Variants in ZNF804A observed in about 807,000 individuals in gnomAD.
ZNF804A encodes zinc finger protein 804A.
Under a neutral mutation model 16.5 loss-of-function variants are expected in ZNF804A, and 2 were observed. The ratio of observed to expected loss-of-function variants is 0.12; its 90% CI spans 0.05 to 0.38. The LOEUF is 0.38. Among genes scored for constraint, ZNF804A ranks in the 10% least tolerant of loss-of-function variants. ZNF804A has a pLI of 0.99. For synonymous variants in ZNF804A, 534 were observed against 489.6 expected (o/e 1.09, Z -1.20); for missense variants, 1,473 against 1,390.7 (o/e 1.06, Z -0.94).
At chr2:184,727,800 G>C (rs572368950) in intron 1 of ZNF804A, among the ~76,000 whole-genome samples, 5 of 151,774 alleles carry the variant, frequency 3.3e-5, no homozygotes, top group South Asian at 4.1e-4. Context: ...AGTATAAGAA[G>C]TGATCAGTTT....
intron 1 of ZNF804A, among the ~76,000 whole-genome samples, chr2:184,860,462 G>C (rs1420685109): frequency 6.6e-6 from 1 of 152,232 alleles, no homozygotes; most frequent in South Asian, 2.1e-4. Context: ...AACTTGCCTG[G>C]AGGCTGAGTT....
intron 2 of ZNF804A, among the ~76,000 whole-genome samples, chr2:184,928,390 C>T (rs189758692): frequency 6.6e-6 from 1 of 152,212 alleles, no homozygotes; most frequent in East Asian, 1.9e-4. Flanking sequence ...TCTCTCTCCT[C>T]TCCTCCTCTC....
chr2:184,938,589 G>T lies in ZNF804A; in HGVS notation c.3193G>T (p.Val1065Phe). 1 of 1,614,004 alleles carries T rather than the reference G, an allele frequency of 6.2e-7. No individual in the cohort carries two copies. The highest frequency in any genetic ancestry group is 8.5e-7 in the Non-Finnish European group (1 of 1,179,984). Reference sequence around the variant, plus strand: ...GCAGCCAAACATGCTGGCCAACAAGGTTAAATTTACCTTTCCTCCAGCTGC... The same window carrying T: ...GCAGCCAAACATGCTGGCCAACAAGTTTAAATTTACCTTTCCTCCAGCTGC... ...ILQPNMLANK[V>F]KFTFPPAALP... Residue 1065 changes from valine to phenylalanine, a missense_variant, in exon 4 of 4, where the codon GTT becomes TTT. Physicochemically the swap from Val to Phe is conservative, Grantham distance 50. Transcript: ENST00000302277.
At chr2:184,710,626 G>A (rs11894318) in intron 1 of ZNF804A, among the ~76,000 whole-genome samples, 36,122 of 151,500 alleles carry the variant, frequency 0.24, 6,374 homozygotes, top group African/African-American at 0.5. Flanking sequence ...TATTCATCTT[G>A]TAAAACTGAA....
intron 1 of ZNF804A, among the ~76,000 whole-genome samples, chr2:184,840,876 C>T (rs961176577): frequency 2.0e-5 from 3 of 152,088 alleles, no homozygotes; most frequent in African/African-American, 7.2e-5. Flanking sequence ...CCCTAGGTAT[C>T]GACTTTTTGC....
chr2:184,898,341 A>G (rs947962887), intron 2 of ZNF804A, among the ~76,000 whole-genome samples: 1 of 152,224 alleles, frequency 6.6e-6, no homozygotes, highest in Non-Finnish European at 1.5e-5. Flanking sequence ...AGTGAAGAAA[A>G]GAGTGTTTTT....
rs183198636 is a variant in ZNF804A at position 184,634,603 on chromosome 2, A to G, written c.111+35533A>G. Among the ~76,000 whole-genome samples the G allele has an allele frequency of 9.9e-5, 15 of 152,214 alleles. No homozygotes were observed. In the East Asian group the frequency reaches 2.9e-3, roughly 29 times the overall value. On this transcript the variant is annotated intron_variant, in intron 1 of 3. Coordinates refer to ENST00000302277, the MANE Select transcript of ZNF804A (RefSeq NM_194250.2). Reference sequence around the variant, plus strand: ...GGAAAAGGGAGAGAGAGATTTGAAGATGCTGTACTGTTGGCTCTAATGATG... The same window carrying G: ...GGAAAAGGGAGAGAGAGATTTGAAGGTGCTGTACTGTTGGCTCTAATGATG...
intron 1 of ZNF804A, among the ~76,000 whole-genome samples, chr2:184,670,373 C>T (rs10172368): frequency 4.0e-5 from 6 of 151,876 alleles, no homozygotes; most frequent in Non-Finnish European, 8.8e-5. Context: ...CCCATTATGC[C>T]CTTTATTTTA....
intron 1 of ZNF804A, among the ~76,000 whole-genome samples, chr2:184,817,240 G>A (rs1413676369): frequency 1.3e-5 from 2 of 151,798 alleles, no homozygotes; most frequent in Non-Finnish European, 2.9e-5. Flanking sequence ...GGTGATATCT[G>A]GAGGTAAGGG....
At chr2:184,731,668 C>A (rs540881577) in intron 1 of ZNF804A, among the ~76,000 whole-genome samples, 1 of 148,936 alleles carries the variant, frequency 6.7e-6, no homozygotes, top group Non-Finnish European at 1.5e-5. Flanking sequence ...CTCCTAGGCT[C>A]AAGTGATCCT....
At chr2:184,934,101 T>A (rs1011058128) in intron 3 of ZNF804A, among the ~76,000 whole-genome samples, 3 of 152,168 alleles carry the variant, frequency 2.0e-5, no homozygotes, top group Non-Finnish European at 4.4e-5. Context: ...TTTTTAGAGA[T>A]ACTTTTTAAA....
intron 1 of ZNF804A, among the ~76,000 whole-genome samples, chr2:184,630,412 C>T (rs950399260): frequency 1.1e-4 from 16 of 152,026 alleles, no homozygotes; most frequent in African/African-American, 1.7e-4. Context: ...ATCCTTCCTC[C>T]GATTTTTTAC....
chr2:184,719,286 T>A lies in ZNF804A; in HGVS notation c.111+120216T>A, dbSNP rs574126325. On this transcript the variant is annotated intron_variant, in intron 1 of 3. Coordinates refer to ENST00000302277, the MANE Select transcript of ZNF804A (RefSeq NM_194250.2). ...ACCCTGGGCCCCACCCATGAAACCATTTTTTTTTTCTCTTACACTTTCAGG... is the reference window on the plus strand; with the variant it reads ...ACCCTGGGCCCCACCCATGAAACCAATTTTTTTTTCTCTTACACTTTCAGG... 4.0e-5 allele frequency among the ~76,000 whole-genome samples: 6 copies of A among 149,644 alleles called. No individual in the cohort carries two copies. In the East Asian group the frequency reaches 7.9e-4, roughly 20 times the overall value.
intron 1 of ZNF804A, among the ~76,000 whole-genome samples, chr2:184,833,806 A>T (rs1695303087): frequency 6.6e-6 from 1 of 152,050 alleles, no homozygotes; most frequent in South Asian, 2.1e-4. Flanking sequence ...AGGGTGCAGC[A>T]AACCACCATG....
At chr2:184,888,909 C>T (rs1684938723) in intron 2 of ZNF804A, among the ~76,000 whole-genome samples, 1 of 151,826 alleles carries the variant, frequency 6.6e-6, no homozygotes, top group South Asian at 2.1e-4. Flanking sequence ...TGCTATTTTT[C>T]ACTTTTTATA....
intron 2 of ZNF804A, among the ~76,000 whole-genome samples, chr2:184,900,295 G>T (rs1685157357): frequency 6.6e-6 from 1 of 152,026 alleles, no homozygotes; most frequent in Non-Finnish European, 1.5e-5. Flanking sequence ...ATATATTTAG[G>T]TACAGTGCCC....
intron 1 of ZNF804A, among the ~76,000 whole-genome samples, chr2:184,733,030 CTT>C (rs1321821747): frequency 6.6e-6 from 1 of 151,948 alleles, no homozygotes; most frequent in Non-Finnish European, 1.5e-5. Flanking sequence ...CTTTTCTTGT[CTT>C]GTCTTATTAA....
chr2:184,803,784 G>A (rs933568981), intron 1 of ZNF804A, among the ~76,000 whole-genome samples: 7 of 151,650 alleles, frequency 4.6e-5, no homozygotes, highest in African/African-American at 1.5e-4. Flanking sequence ...TTGGTTTGGA[G>A]CTGCATTACT....
chr2:184,671,239 C>T (rs572674454), intron 1 of ZNF804A, among the ~76,000 whole-genome samples: 1 of 152,298 alleles, frequency 6.6e-6, no homozygotes, highest in Admixed American at 6.5e-5. Flanking sequence ...ATGTTTGCCT[C>T]TCTCTATCCA....
Sources: allele counts gnomAD v4.1 joint callset (sites outside exome capture counted in the v4.1 genomes callset), GRCh38; gene constraint gnomAD v4.1.1; transcripts MANE v1.5; gene names NCBI Gene and HGNC (gene_info 2026-07-23, HGNC 2026-07-21).